The following ALAS1 variants were observed in gnomAD, a reference collection of about 807,000 sequenced individuals.
The protein encoded by ALAS1 is 5-aminolevulinate synthase, non-specific, mitochondrial.
Under a neutral mutation model 59.6 loss-of-function variants are expected in ALAS1, and 29 were observed. That is an observed-to-expected ratio of 0.49 (90% CI 0.36 to 0.66). ALAS1 has a LOEUF of 0.66. Ranked by LOEUF, ALAS1 falls within the 30% of genes least tolerant of loss-of-function variation. The pLI is 0.00. For synonymous variants in ALAS1, 299 were observed against 296.6 expected (o/e 1.01, Z -0.08); for missense variants, 690 against 807.5 (o/e 0.85, Z 1.76).
At chr3:52,198,335 G>C (rs1194041716) in intron 1 of ALAS1, 80 bp downstream of exon 1, 1 of 406,126 alleles carries the variant, frequency 2.5e-6, no homozygotes, top group African/African-American at 2.1e-5. Context: ...GCTGCCCCGG[G>C]TGCTGGGACC....
At chr3:52,200,365 T>C (rs1485240213) in intron 3 of ALAS1, among the ~76,000 whole-genome samples, 1 of 152,220 alleles carries the variant, frequency 6.6e-6, no homozygotes, top group African/African-American at 2.4e-5. Flanking sequence ...CCATTCTGCT[T>C]TCTGTCTCTA....
chr3:52,205,126 G>T (rs1699267806), intron 6 of ALAS1, among the ~76,000 whole-genome samples: 1 of 152,158 alleles, frequency 6.6e-6, no homozygotes, highest in African/African-American at 2.4e-5. Flanking sequence ...ACTTGTGAGG[G>T]TTCAAGCTTA....
chr3:52,214,300 C>T lies in ALAS1; in HGVS notation c.*120C>T. 1 of 973,892 alleles carries T rather than the reference C, an allele frequency of 1.0e-6. No homozygotes were observed. Among genetic ancestry groups the T allele is most frequent in the Non-Finnish European group, 1.5e-6 (1 of 689,212 alleles). The allele number at this position is 973,892 out of a possible 1,614,324, so 60.3% of individuals were successfully genotyped here. A position where few individuals can be genotyped will look rare whatever the true frequency, so the allele number is the denominator to read the frequency against. On this transcript the variant is annotated 3_prime_UTR_variant, in exon 12 of 12. Transcript: ENST00000484952. ...TTTAATCTATAGTAAAAACATAGTC[C>T]TGGAAATAAATTCTTGCTTAAATGG...
chr3:52,207,650 T>C (rs1699322152), intron 8 of ALAS1, among the ~76,000 whole-genome samples: 1 of 152,112 alleles, frequency 6.6e-6, no homozygotes, highest in African/African-American at 2.4e-5. Context: ...CACCCTCAAG[T>C]CGGTCCCTGG....
chr3:52,203,249 T>C (rs1559872512), intron 4 of ALAS1, among the ~76,000 whole-genome samples: 1 of 151,796 alleles, frequency 6.6e-6, no homozygotes, highest in African/African-American at 2.4e-5. Context: ...ATGAAGAAAA[T>C]TGAGATTAGG....
chr3:52,211,456 C>T lies in ALAS1; in HGVS notation c.1504C>T (p.Arg502Cys), dbSNP rs770274022. 3.7e-6 allele frequency: 6 copies of T among 1,614,190 alleles called. No individual in the cohort carries two copies. The Admixed American group carries it at 5.0e-5, about 13-fold the overall frequency. The change falls in exon 10 of 12, where the codon CGC (arginine) becomes TGC (cysteine). Residue 502 changes from arginine to cysteine, a missense_variant. Transcript: ENST00000484952. ...GAGCGCTGAGGGACGGGTGCTTCGC[C>T]GCCAGCACCAGCGCAACGTCAAACT... ...LKSAEGRVLRRQHQRNVKLMR... is the reference protein window; with the variant it reads ...LKSAEGRVLRCQHQRNVKLMR...
At chr3:52,212,212 T>C in intron 10 of ALAS1, 46 bp from the exon 11 acceptor site, 1 of 1,569,860 alleles carries the variant, frequency 6.4e-7, no homozygotes. Flanking sequence ...TGCTAAGAGG[T>C]AGTCCTTCCT....
intron 9 of ALAS1, 144 bp from the exon 10 acceptor site, chr3:52,211,139 G>T: frequency 1.2e-6 from 1 of 805,980 alleles, no homozygotes; most frequent in Non-Finnish European, 1.9e-6. Flanking sequence ...CATTAATGTG[G>T]TGCATGACTA....
At chr3:52,198,981 C>A in intron 2 of ALAS1, 133 bp downstream of exon 2, 1 of 1,157,262 alleles carries the variant, frequency 8.6e-7, no homozygotes, top group Non-Finnish European at 1.2e-6. Flanking sequence ...GGTGAAGTTG[C>A]TTTGCAGGTG....
rs529109497 is a variant in ALAS1 at position 52,200,942 on chromosome 3, T to TA, written c.199+1503dup. The stretch of plus-strand genomic sequence containing the variant: ...GTAGGGTTTATTTTCAAGAGTTAGT[T>TA]ACGTCTTTTTTACCAAAATGCTTGC... On this transcript the variant is annotated intron_variant, in intron 3 of 11. Transcript: ENST00000484952. Among the ~76,000 whole-genome samples, 4 of 152,344 alleles carry TA rather than the reference T, an allele frequency of 2.6e-5. No individual in the cohort carries two copies. The South Asian group carries it at 8.3e-4, about 32-fold the overall frequency.
chr3:52,212,070 C>T (rs1180942300), intron 10 of ALAS1, among the ~76,000 whole-genome samples, 188 bp from the exon 11 acceptor site: 2 of 152,108 alleles, frequency 1.3e-5, no homozygotes, highest in African/African-American at 4.8e-5. Flanking sequence ...CCCTGGTGTT[C>T]ACGAAACAAC....
intron 10 of ALAS1, 57 bp downstream of exon 10, chr3:52,211,608 CGGATGTTCTG>C: frequency 6.3e-7 from 1 of 1,591,464 alleles, no homozygotes; most frequent in African/African-American, 1.3e-5. Context: ...ACATGATGTA[CGGATGTTCTG>C]CTTCATACCT....
chr3:52,212,523 T>C (rs776195357), intron 11 of ALAS1, 103 bp downstream of exon 11: 3 of 1,461,188 alleles, frequency 2.1e-6, no homozygotes, highest in Non-Finnish European at 2.8e-6. Flanking sequence ...GATTTGTTTC[T>C]TCTTCTTTTT....
In ALAS1 at chr3:52,211,426, C is replaced by T. The variant is rs1451996050; in HGVS notation, c.1474C>T (p.Leu492=). 2.5e-6 allele frequency: 4 copies of T among 1,614,240 alleles called. No individual in the cohort carries two copies. In the South Asian group the frequency reaches 4.4e-5, roughly 18 times the overall value. Residue 492 remains leucine, a synonymous_variant, in exon 10 of 12, where the codon CTG becomes TTG. Transcript: ENST00000484952. ...LAGALESVRI[L]KSAEGRVLRR... is the part of the protein sequence containing the mutation. ...TGGAGCCCTGGAGTCTGTGCGGATC[C>T]TGAAGAGCGCTGAGGGACGGGTGCT...
chr3:52,205,180 G>T (rs1699269130), intron 6 of ALAS1, among the ~76,000 whole-genome samples: 1 of 152,236 alleles, frequency 6.6e-6, no homozygotes, highest in Admixed American at 6.5e-5. Flanking sequence ...CTATCACTCT[G>T]CAAGTGAGTG....
intron 9 of ALAS1, among the ~76,000 whole-genome samples, chr3:52,209,931 C>T (rs745663967): frequency 5.3e-5 from 8 of 152,288 alleles, no homozygotes; most frequent in Non-Finnish European, 1.2e-4. Flanking sequence ...TTGCCCCCCT[C>T]GGCCTCCCAA....
At chr3:52,205,008 A>G in intron 6 of ALAS1, 93 bp downstream of exon 6, 2 of 1,038,378 alleles carry the variant, frequency 1.9e-6, no homozygotes, top group Non-Finnish European at 2.9e-6. Flanking sequence ...GGGAACATTC[A>G]GTAGCTGAAA....
intron 6 of ALAS1, 126 bp downstream of exon 6, chr3:52,205,041 T>A: frequency 1.3e-6 from 1 of 767,430 alleles, no homozygotes; most frequent in Non-Finnish European, 2.1e-6. Context: ...AAAATACTAT[T>A]CTTAGCTTCT....
rs746242689 is a variant in ALAS1 at position 52,204,792 on chromosome 3, C to T, written c.677C>T (p.Ala226Val). 26 of 1,614,148 alleles carry T rather than the reference C, an allele frequency of 1.6e-5. No individual in the cohort carries two copies. The highest frequency in any genetic ancestry group is 1.6e-4 in the Middle Eastern group (1 of 6,062). Residue 226 changes from alanine to valine, a missense_variant, in exon 6 of 12, where the codon GCA (alanine) becomes GTA (valine). Transcript: ENST00000484952. Reference sequence around the variant, plus strand: ...GTTTTTAAAACTGTGAACCGGCGAGCACACATCTTCCCCATGGCAGATGAC... The same window carrying T: ...GTTTTTAAAACTGTGAACCGGCGAGTACACATCTTCCCCATGGCAGATGAC... ...YRVFKTVNRR[A>V]HIFPMADDYS...
Sources: allele counts gnomAD v4.1 joint callset (sites outside exome capture counted in the v4.1 genomes callset), GRCh38; gene constraint gnomAD v4.1.1; transcripts MANE v1.5; gene names NCBI Gene and HGNC (gene_info 2026-07-23, HGNC 2026-07-21).